Variants in ARHGAP28 observed in about 807,000 individuals in gnomAD.
ARHGAP28 encodes the protein rho GTPase-activating protein 28.
In ARHGAP28, 56 loss-of-function variants were observed where a neutral mutation model predicts 90.7. The observed-to-expected ratio is 0.62, with a 90% CI of 0.50 to 0.77. The LOEUF is 0.77. Ranked by LOEUF, ARHGAP28 falls within the 30% of genes least tolerant of loss-of-function variation. ARHGAP28 has a pLI of 0.00. For missense variants in ARHGAP28, 869 were observed against 900.9 expected (o/e 0.96, Z 0.45); for synonymous variants, 308 against 323.3 (o/e 0.95, Z 0.51).
At chr18:6,798,899 G>C (rs573719081) in intron 1 of ARHGAP28, among the ~76,000 whole-genome samples, 5 of 152,202 alleles carry the variant, frequency 3.3e-5, no homozygotes, top group Non-Finnish European at 7.3e-5. Context: ...TTACTCATGT[G>C]AAGCATGCAT....
At chr18:6,757,481 G>C (rs76119690) in intron 1 of ARHGAP28, among the ~76,000 whole-genome samples, 1 of 152,232 alleles carries the variant, frequency 6.6e-6, no homozygotes, top group East Asian at 1.9e-4. Context: ...GGAACATACC[G>C]ACGATTAATA....
At chr18:6,860,787 G>A (rs2056992313) in intron 5 of ARHGAP28, among the ~76,000 whole-genome samples, 1 of 152,108 alleles carries the variant, frequency 6.6e-6, no homozygotes, top group African/African-American at 2.4e-5. Context: ...TTTTGTTTAT[G>A]GTATTGTTTT....
intron 9 of ARHGAP28, among the ~76,000 whole-genome samples, chr18:6,874,211 G>A (rs576802666): frequency 1.3e-5 from 2 of 152,148 alleles, no homozygotes; most frequent in South Asian, 4.2e-4. Context: ...GCATAGGCTG[G>A]GTTTTAAAAA....
intron 10 of ARHGAP28, 71 bp downstream of exon 10, chr18:6,876,279 G>A: frequency 8.8e-7 from 1 of 1,132,684 alleles, no homozygotes. Flanking sequence ...AAGCATCGGG[G>A]ATCCAGATAT....
At chr18:6,848,087 C>T (rs147439033) in intron 3 of ARHGAP28, among the ~76,000 whole-genome samples, 2,176 of 152,176 alleles carry the variant, frequency 0.014, 23 homozygotes, top group Non-Finnish European at 0.022. Flanking sequence ...CCAGAAGGAA[C>T]GCAGGTGTTC....
intron 1 of ARHGAP28, among the ~76,000 whole-genome samples, chr18:6,783,305 T>A (rs949513396): frequency 7.0e-6 from 1 of 143,614 alleles, no homozygotes; most frequent in Non-Finnish European, 1.5e-5. Context: ...GGTATTTACT[T>A]TTTTTTTTTT....
At chr18:6,840,328 A>G (rs2056796392) in intron 3 of ARHGAP28, among the ~76,000 whole-genome samples, 1 of 152,140 alleles carries the variant, frequency 6.6e-6, no homozygotes, top group African/African-American at 2.4e-5. Context: ...TCTCTAGGAA[A>G]CTGCATTTCT....
chr18:6,861,862 G>A (rs2057001275), intron 5 of ARHGAP28, among the ~76,000 whole-genome samples: 1 of 152,182 alleles, frequency 6.6e-6, no homozygotes, highest in Admixed American at 6.5e-5. Flanking sequence ...CTTTTTGCAA[G>A]TTTGAGGGTA....
rs534172379 is a variant in ARHGAP28, at chr18:6,898,586, G to T, written c.2030+1960G>T. On this transcript the variant is annotated intron_variant, in intron 16 of 17. Coordinates refer to ENST00000383472, the MANE Select transcript of ARHGAP28 (RefSeq NM_001366230.1). ...ACATCTCCACATAGGCAGTCATATA[G>T]AGACTTGAAATATCATTCAAGGGAT... is the stretch of plus-strand genomic sequence containing the variant. The T allele has an allele frequency of 3.1e-4, 505 of 1,603,252 alleles. 2 individuals are homozygous for T. Among genetic ancestry groups the T allele is most frequent in the Non-Finnish European group, 4.1e-5 (48 of 1,176,804 alleles).
rs1017234206 is a variant in ARHGAP28 at position 6,887,341 on chromosome 18, C to G, written c.1536+102C>G. 5.6e-5 allele frequency: 57 copies of G among 1,014,698 alleles called. No individual in the cohort carries two copies. The African/African-American group carries it at 9.1e-4, about 16-fold the overall frequency. 62.9% of individuals were successfully genotyped at this position (1,014,698 alleles called of 1,614,324 possible). A position where few individuals can be genotyped will look rare whatever the true frequency, so the allele number is the denominator to read the frequency against. ...GTGGAGATGACAGCTCACTGAGCCA[C>G]CTGAGCATGCTGCAAACACACGGCC... is the stretch of plus-strand genomic sequence containing the variant. On this transcript the variant is annotated intron_variant, in intron 12 of 17. Coordinates refer to ENST00000383472, the MANE Select transcript of ARHGAP28 (RefSeq NM_001366230.1).
chr18:6,895,555 C>T (rs2057298636), intron 15 of ARHGAP28, among the ~76,000 whole-genome samples: 1 of 152,238 alleles, frequency 6.6e-6, no homozygotes, highest in Non-Finnish European at 1.5e-5. Context: ...CCCCTCTCCT[C>T]ACTTTTGGCG....
intron 16 of ARHGAP28, chr18:6,898,562 C>A: frequency 6.2e-7 from 1 of 1,613,098 alleles, no homozygotes; most frequent in Admixed American, 1.7e-5. Context: ...TTGGCCTGGA[C>A]ATCTCCACAT....
Position 6,887,259 on chromosome 18 carries a change from C to G in ARHGAP28, c.1536+20C>G. 1 of 1,610,470 alleles carries G rather than the reference C, an allele frequency of 6.2e-7. No individual in the cohort carries two copies. Among genetic ancestry groups the G allele is most frequent in the Non-Finnish European group, 8.5e-7 (1 of 1,177,118 alleles). Reference sequence around the variant, plus strand: ...GCTCAGGTACGTCGTGTCCACCTCACAGCTTGTCCTGGGGCTCTTATTGCT... The same window carrying G: ...GCTCAGGTACGTCGTGTCCACCTCAGAGCTTGTCCTGGGGCTCTTATTGCT... On this transcript the variant is annotated intron_variant, in intron 12 of 17. Transcript: ENST00000383472.
chr18:6,846,459 G>T (rs2056866848), intron 3 of ARHGAP28, among the ~76,000 whole-genome samples: 2 of 152,204 alleles, frequency 1.3e-5, no homozygotes, highest in Admixed American at 6.5e-5. Flanking sequence ...TTGCCTGAAG[G>T]TAGACCGAGG....
At chr18:6,894,524 C>T (rs957269689) in intron 14 of ARHGAP28, among the ~76,000 whole-genome samples, 2 of 152,152 alleles carry the variant, frequency 1.3e-5, no homozygotes, top group Non-Finnish European at 2.9e-5. Flanking sequence ...GCTTCTTTTG[C>T]GTGCTATTCC....
rs921664391 is a variant in ARHGAP28 at position 6,804,031 on chromosome 18, G to A, written c.123-20731G>A. Among the ~76,000 whole-genome samples the A allele has an allele frequency of 1.6e-4, 25 of 152,190 alleles. No individual in the cohort carries two copies. In the East Asian group the frequency reaches 4.1e-3, roughly 25 times the overall value. On this transcript the variant is annotated intron_variant, in intron 1 of 17. Coordinates refer to ENST00000383472, the MANE Select transcript of ARHGAP28 (RefSeq NM_001366230.1). ...CCTGACCTTGTGATCCACCTGCCTC[G>A]GCCTCCCAAAGTGCTGGGATTACAG...
intron 2 of ARHGAP28, among the ~76,000 whole-genome samples, chr18:6,836,496 G>A (rs998054233): frequency 1.3e-5 from 2 of 152,076 alleles, no homozygotes; most frequent in African/African-American, 4.8e-5. Context: ...CATGTAGTGG[G>A]TGTGGGTTGG....
At chr18:6,849,953 T>G (rs544761665) in intron 3 of ARHGAP28, among the ~76,000 whole-genome samples, 22 of 152,292 alleles carry the variant, frequency 1.4e-4, no homozygotes, top group African/African-American at 5.0e-4. Flanking sequence ...TATTCTTCCT[T>G]TCACTGCTTG....
rs545352008 is a variant in ARHGAP28, at chr18:6,799,663, A to G, written c.123-25099A>G. 1.1e-4 allele frequency among the ~76,000 whole-genome samples: 16 copies of G among 152,344 alleles called. No homozygotes were observed. In the South Asian group the frequency reaches 3.3e-3, roughly 32 times the overall value. On this transcript the variant is annotated intron_variant, in intron 1 of 17. Transcript: ENST00000383472. Reference sequence around the variant, plus strand: ...TCCCTGTTTAATAAATGGTGTTGGGAAAACTAGCCAGCCATATGCAGAAAA... The same window carrying G: ...TCCCTGTTTAATAAATGGTGTTGGGGAAACTAGCCAGCCATATGCAGAAAA...
Sources: gnomAD v4.1 joint callset for allele counts (sites outside exome capture counted in the v4.1 genomes callset) on GRCh38, gnomAD v4.1.1 for gene constraint, MANE v1.5 for transcripts, NCBI Gene and HGNC (gene_info 2026-07-23, HGNC 2026-07-21) for gene names.